The following DPP6 variants were observed in gnomAD, a reference collection of about 807,000 sequenced individuals.
DPP6 encodes the protein dipeptidyl peptidase like 6.
DPP6 carries 69 observed loss-of-function variants against 122.6 expected under a neutral mutation model. The observed-to-expected ratio is 0.56, with a 90% CI of 0.46 to 0.69. The LOEUF is 0.69. Ranked by LOEUF, DPP6 falls within the 30% of genes least tolerant of loss-of-function variation. The pLI is 0.00. For synonymous variants in DPP6, 418 were observed against 433.1 expected (o/e 0.97, Z 0.43); for missense variants, 928 against 1,116.9 (o/e 0.83, Z 2.41).
chr7:154,843,946 C>T (rs1801759330), intron 16 of DPP6, among the ~76,000 whole-genome samples: 1 of 152,230 alleles, frequency 6.6e-6, no homozygotes, highest in African/African-American at 2.4e-5. Flanking sequence ...AATGCTTTGT[C>T]TATTTCTGTC....
chr7:154,248,409 G>A (rs930317981), intron 1 of DPP6, among the ~76,000 whole-genome samples: 2 of 152,184 alleles, frequency 1.3e-5, no homozygotes, highest in African/African-American at 2.4e-5. Context: ...AAGCCCCAGA[G>A]CAGGGAGAGA....
chr7:154,658,942 C>T (rs1041680889), intron 6 of DPP6, among the ~76,000 whole-genome samples: 4 of 152,128 alleles, frequency 2.6e-5, no homozygotes, highest in South Asian at 2.1e-4. Flanking sequence ...GTTGGGCATT[C>T]GCTAGTCTGG....
chr7:154,630,617 A>C (rs1202092311), intron 5 of DPP6, among the ~76,000 whole-genome samples: 1 of 152,238 alleles, frequency 6.6e-6, no homozygotes, highest in African/African-American at 2.4e-5. Context: ...AAAACAAATG[A>C]GTTCATGTCC....
chr7:154,003,017 G>T (rs1476826407), intron 1 of DPP6, among the ~76,000 whole-genome samples: 3 of 152,122 alleles, frequency 2.0e-5, no homozygotes, highest in Non-Finnish European at 4.4e-5. Flanking sequence ...CTTTTGAGGG[G>T]AGGAGAAAAA....
chr7:154,228,578 C>A (rs79612450), intron 1 of DPP6, among the ~76,000 whole-genome samples: 1 of 152,066 alleles, frequency 6.6e-6, no homozygotes, highest in Non-Finnish European at 1.5e-5. Context: ...ATCTATTTCT[C>A]TTCATTTTAG....
rs138630463 is a variant in DPP6 at position 154,347,586 on chromosome 7, T to C, written c.244-98628T>C. ...AATTAGTGTTTTGGTGTTTAATCTG[T>C]ATACATATAAATATGCCTATCTCCT... On this transcript the variant is annotated intron_variant, in intron 1 of 25. Coordinates refer to ENST00000377770, the MANE Select transcript of DPP6 (RefSeq NM_130797.4). Among the ~76,000 whole-genome samples, 256 of 152,364 alleles carry C rather than the reference T, an allele frequency of 1.7e-3. 1 individual carries two copies. The highest frequency in any genetic ancestry group is 3.3e-3 in the East Asian group (17 of 5,188).
chr7:154,225,793 A>C (rs1488679724), intron 1 of DPP6, among the ~76,000 whole-genome samples: 1 of 152,216 alleles, frequency 6.6e-6, no homozygotes, highest in African/African-American at 2.4e-5. Flanking sequence ...TTCTGGCTTC[A>C]AAACCAAAAT....
At chr7:154,334,555 C>A (rs1175217275) in intron 1 of DPP6, among the ~76,000 whole-genome samples, 1 of 152,134 alleles carries the variant, frequency 6.6e-6, no homozygotes, top group Admixed American at 6.5e-5. Flanking sequence ...GCTCAATAAA[C>A]CCTGGTGGCG....
intron 11 of DPP6, among the ~76,000 whole-genome samples, chr7:154,795,111 G>T (rs1254630964): frequency 1.3e-5 from 2 of 152,140 alleles, no homozygotes; most frequent in African/African-American, 4.8e-5. Flanking sequence ...GAAGGAACGT[G>T]AGGACACAAA....
intron 20 of DPP6, among the ~76,000 whole-genome samples, chr7:154,879,588 C>CAAAAA (rs778157355): frequency 2.4e-5 from 1 of 41,608 alleles, no homozygotes; most frequent in Non-Finnish European, 3.8e-5. Context: ...GACTCCGTCT[C>CAAAAA]AAAAAAAAAA....
chr7:154,257,149 A>C (rs189728108), intron 1 of DPP6, among the ~76,000 whole-genome samples: 25 of 151,668 alleles, frequency 1.6e-4, no homozygotes, highest in Non-Finnish European at 3.1e-4. Context: ...ATGCCCAGTT[A>C]ATTTTTAAAA....
chr7:154,048,920 C>T (rs1800153352), upstream of DPP6, among the ~76,000 whole-genome samples: 1 of 134,220 alleles, frequency 7.5e-6, no homozygotes, highest in Non-Finnish European at 1.6e-5. Context: ...TATTTTGCAG[C>T]ATCTGCCTAA....
intron 1 of DPP6, among the ~76,000 whole-genome samples, chr7:154,150,936 G>T (rs963592863): frequency 1.3e-5 from 2 of 152,114 alleles, no homozygotes; most frequent in Non-Finnish European, 2.9e-5. Flanking sequence ...TGGCAAGGTC[G>T]CCTGTCTCCC....
intron 3 of DPP6, among the ~76,000 whole-genome samples, chr7:154,485,449 T>A (rs948857155): frequency 6.6e-6 from 1 of 152,212 alleles, no homozygotes; most frequent in Admixed American, 6.5e-5. Context: ...AACCCAATCA[T>A]GTCTCTGACT....
chr7:154,459,134 G>GCAGATTAAAAAAAAGAAGCCAATGAAATT (rs555205385), intron 2 of DPP6, among the ~76,000 whole-genome samples: 2,672 of 121,384 alleles, frequency 0.022, 31 homozygotes, highest in Non-Finnish European at 0.03. Context: ...GAGATGAAAT[G>GCAGATTAAAAAAAAGAAGCCAATGAAATT]CAGATTAAAA....
intron 1 of DPP6, among the ~76,000 whole-genome samples, chr7:154,197,538 G>A (rs1798931741): frequency 6.6e-6 from 1 of 152,138 alleles, no homozygotes; most frequent in African/African-American, 2.4e-5. Context: ...GCAAACAAGA[G>A]GTAGTCCAGC....
intron 7 of DPP6, among the ~76,000 whole-genome samples, chr7:154,681,462 A>G (rs1450569735): frequency 6.6e-6 from 1 of 152,258 alleles, no homozygotes; most frequent in African/African-American, 2.4e-5. Flanking sequence ...ATAAATGAAC[A>G]TAACCTTTTG....
At chr7:153,964,477 G>C (rs1298220099) in intron 1 of DPP6, among the ~76,000 whole-genome samples, 2 of 152,204 alleles carry the variant, frequency 1.3e-5, no homozygotes, top group South Asian at 2.1e-4. Flanking sequence ...GCACACCAGG[G>C]CTCCGTGAAA....
intron 1 of DPP6, among the ~76,000 whole-genome samples, chr7:154,278,455 T>A (rs1585811418): frequency 1.3e-5 from 2 of 152,222 alleles, no homozygotes; most frequent in East Asian, 3.9e-4. Flanking sequence ...TGTAACTGCA[T>A]CTTGACGATG....
Sources: gnomAD v4.1 joint callset for allele counts (sites outside exome capture counted in the v4.1 genomes callset) on GRCh38, gnomAD v4.1.1 for gene constraint, MANE v1.5 for transcripts, NCBI Gene and HGNC (gene_info 2026-07-23, HGNC 2026-07-21) for gene names.